FAM168A: variants seen among roughly 807,000 people sequenced by gnomAD.
The protein encoded by FAM168A is family with sequence similarity 168 member A, also known as protein FAM168A.
Under a neutral mutation model 28.5 loss-of-function variants are expected in FAM168A, and 3 were observed. That is an observed-to-expected ratio of 0.11 (90% CI 0.05 to 0.27). FAM168A has a LOEUF of 0.27. Among genes scored for constraint, FAM168A ranks in the 10% least tolerant of loss-of-function variants. The pLI, the probability that FAM168A is intolerant of heterozygous loss-of-function variation, is 1.00. For synonymous variants in FAM168A, 122 were observed against 124.2 expected (o/e 0.98, Z 0.12); for missense variants, 222 against 311.5 (o/e 0.71, Z 2.16).
chr11:73,575,076 G>C (rs1344527489), intron 1 of FAM168A, among the ~76,000 whole-genome samples: 3 of 152,136 alleles, frequency 2.0e-5, no homozygotes, highest in Admixed American at 6.5e-5. Flanking sequence ...TCATACAAGA[G>C]TAAGGGTTAT....
chr11:73,530,480 A>C (rs967730310), intron 1 of FAM168A, among the ~76,000 whole-genome samples: 1 of 152,076 alleles, frequency 6.6e-6, no homozygotes, highest in Non-Finnish European at 1.5e-5. Context: ...CCAGGTTCTG[A>C]GGTGAGTGCC....
chr11:73,451,853 T>C (rs143635228), intron 2 of FAM168A, among the ~76,000 whole-genome samples: 17 of 152,370 alleles, frequency 1.1e-4, no homozygotes, highest in Middle Eastern at 3.4e-3. Context: ...TCCATGAGTG[T>C]AAGTTAACTA....
chr11:73,583,219 C>T (rs540994608), intron 1 of FAM168A, among the ~76,000 whole-genome samples: 1 of 152,288 alleles, frequency 6.6e-6, no homozygotes, highest in South Asian at 2.1e-4. Flanking sequence ...AGGAGAATTA[C>T]TTGAACCCAG....
At chr11:73,433,682 G>A (rs538712326) in intron 2 of FAM168A, among the ~76,000 whole-genome samples, 12 of 151,908 alleles carry the variant, frequency 7.9e-5, no homozygotes, top group Admixed American at 1.3e-4. Context: ...ATGATATTCC[G>A]TATGTAGATA....
intron 1 of FAM168A, among the ~76,000 whole-genome samples, chr11:73,470,247 G>A (rs1379863612): frequency 6.6e-6 from 1 of 152,172 alleles, no homozygotes; most frequent in Non-Finnish European, 1.5e-5. Context: ...ACTGTCAAGT[G>A]ACATGCAAAT....
intron 1 of FAM168A, among the ~76,000 whole-genome samples, chr11:73,596,105 G>C (rs1485922750): frequency 6.6e-6 from 1 of 152,108 alleles, no homozygotes; most frequent in African/African-American, 2.4e-5. Context: ...TTTAAAGAGG[G>C]GGTAAAAAAG....
intron 1 of FAM168A, among the ~76,000 whole-genome samples, chr11:73,482,743 TG>T (rs1867984533): frequency 6.6e-6 from 1 of 152,102 alleles, no homozygotes; most frequent in Non-Finnish European, 1.5e-5. Context: ...TGTGTTGTTT[TG>T]TTTTTTTCTT....
Position 73,403,447 on chromosome 11 carries a change from G to A in FAM168A, c.*3316C>T, listed in dbSNP as rs1013955291. 13 of 152,206 alleles carry A rather than the reference G, an allele frequency of 8.5e-5. No individual in the cohort carries two copies. The highest frequency in any genetic ancestry group is 1.3e-4 in the Non-Finnish European group (9 of 68,088). The allele number at this position is 152,206 out of a possible 1,614,324, so 9.4% of individuals were successfully genotyped here. On this transcript the variant is annotated 3_prime_UTR_variant, in exon 8 of 8. Coordinates refer to ENST00000356467, the MANE Select transcript of FAM168A (RefSeq NM_015159.3). Reference sequence around the variant, plus strand: ...GGTGTTGCACTTGGGGAGAGGCAGTGGCATGAGGAGGAGAGAGGGGTTTGC... The same window carrying A: ...GGTGTTGCACTTGGGGAGAGGCAGTAGCATGAGGAGGAGAGAGGGGTTTGC...
intron 1 of FAM168A, among the ~76,000 whole-genome samples, chr11:73,523,774 G>A (rs908128867): frequency 6.6e-6 from 1 of 151,870 alleles, no homozygotes. Context: ...TCTCATTTAG[G>A]TATATCAAAC....
At chr11:73,559,321 C>T (rs1943928469) in intron 1 of FAM168A, among the ~76,000 whole-genome samples, 2 of 152,010 alleles carry the variant, frequency 1.3e-5, no homozygotes, top group African/African-American at 2.4e-5. Context: ...GCAGGAGAAT[C>T]GCTTGAATCC....
In FAM168A at chr11:73,591,515, C is replaced by T. The variant is rs372456318; in HGVS notation, c.-19+6408G>A. Among the ~76,000 whole-genome samples, 152 of 152,214 alleles carry T rather than the reference C, an allele frequency of 1.0e-3. 3 individuals carry two copies. In the South Asian group the frequency reaches 0.031, roughly 31 times the overall value. On this transcript the variant is annotated intron_variant, in intron 1 of 7. Coordinates refer to ENST00000356467, the MANE Select transcript of FAM168A (RefSeq NM_015159.3). ...CCTAAGACAAATTACCCTCTTGAAT[C>T]TTTTTATTCATTTATTTATTGAGAT...
At position 73,403,954 on chromosome 11, in the gene FAM168A, A is replaced by T. The variant is rs1866457638; in HGVS notation, c.*2809T>A. The T allele has an allele frequency of 6.6e-6, 1 of 152,156 alleles. No individual in the cohort carries two copies. Among genetic ancestry groups the T allele is most frequent in the African/African-American group, 2.4e-5 (1 of 41,422 alleles). The allele number at this position is 152,156 out of a possible 1,614,324, so 9.4% of individuals were successfully genotyped here. ...CTTCAGTACGTGAGCCTGTGTGGGG[A>T]TCAGATGGAGGGGAACGAGACAGCA... On this transcript the variant is annotated 3_prime_UTR_variant, in exon 8 of 8. Coordinates refer to ENST00000356467, the MANE Select transcript of FAM168A (RefSeq NM_015159.3).
chr11:73,415,565 T>A (rs1866682268), intron 4 of FAM168A, among the ~76,000 whole-genome samples: 1 of 152,250 alleles, frequency 6.6e-6, no homozygotes, highest in Non-Finnish European at 1.5e-5. Flanking sequence ...ATTCTAGGTC[T>A]CTGAGTATTT....
chr11:73,539,876 T>C (rs953233300), intron 1 of FAM168A, among the ~76,000 whole-genome samples: 1 of 152,226 alleles, frequency 6.6e-6, no homozygotes, highest in Non-Finnish European at 1.5e-5. Flanking sequence ...TTGGCTCTTA[T>C]CTGAATTTCC....
intron 1 of FAM168A, among the ~76,000 whole-genome samples, chr11:73,553,429 C>G (rs1358544543): frequency 6.6e-6 from 1 of 152,148 alleles, no homozygotes; most frequent in Admixed American, 6.5e-5. Context: ...CTGATTTCAT[C>G]TGGCCTGAGC....
chr11:73,492,090 G>A (rs989529023), intron 1 of FAM168A, among the ~76,000 whole-genome samples: 1 of 152,174 alleles, frequency 6.6e-6, no homozygotes, highest in African/African-American at 2.4e-5. Flanking sequence ...CTTTACAAAT[G>A]AGAAAAGCCT....
intron 1 of FAM168A, among the ~76,000 whole-genome samples, chr11:73,533,998 T>A (rs140387045): frequency 1.2e-3 from 178 of 152,290 alleles, no homozygotes; most frequent in African/African-American, 3.8e-3. Flanking sequence ...CCCAAGCCTC[T>A]CAGAATCAAA....
chr11:73,542,704 C>T (rs1417273148), intron 1 of FAM168A, among the ~76,000 whole-genome samples: 1 of 152,164 alleles, frequency 6.6e-6, no homozygotes, highest in African/African-American at 2.4e-5. Flanking sequence ...AAGGTCATTA[C>T]CATGACTTAC....
chr11:73,530,263 A>G (rs1214290854), intron 1 of FAM168A, among the ~76,000 whole-genome samples: 1 of 152,212 alleles, frequency 6.6e-6, no homozygotes. Flanking sequence ...GTTCCAAACC[A>G]ATTCTTCATT....
Sources: allele counts gnomAD v4.1 joint callset (sites outside exome capture counted in the v4.1 genomes callset), GRCh38; gene constraint gnomAD v4.1.1; transcripts MANE v1.5; gene names NCBI Gene and HGNC (gene_info 2026-07-23, HGNC 2026-07-21).